Variants in NKAIN3 observed in about 807,000 individuals in gnomAD.
NKAIN3 encodes the protein sodium/potassium-transporting ATPase subunit beta-1-interacting protein 3.
NKAIN3 carries 25 observed loss-of-function variants against 30.2 expected under a neutral mutation model. The observed-to-expected ratio is 0.83, with a 90% CI of 0.60 to 1.16. The LOEUF (loss-of-function observed/expected upper bound fraction) is 1.16, where lower values mean the gene tolerates loss of function less well. NKAIN3 is among the 50% of genes most tolerant of loss of function. The pLI is 0.00. For missense variants in NKAIN3, 225 were observed against 254.1 expected, an observed-to-expected ratio of 0.89 and a Z score of 0.78; for synonymous variants, 91 against 89.6, an observed-to-expected ratio of 1.02 and a Z score of -0.09.
intron 1 of NKAIN3, among the ~76,000 whole-genome samples, chr8:62,532,274 C>A (rs1193767096): frequency 1.3e-5 from 2 of 152,130 alleles, no homozygotes; most frequent in African/African-American, 2.4e-5. Context: ...GGGTAGTGGA[C>A]ATCAAAACCT....
At chr8:62,821,441 C>T (rs1422556995) in intron 4 of NKAIN3, among the ~76,000 whole-genome samples, 1 of 152,066 alleles carries the variant, frequency 6.6e-6, no homozygotes, top group African/African-American at 2.4e-5. Flanking sequence ...TATGATGTTT[C>T]TTTTCAGAAG....
At chr8:62,599,131 A>G (rs1051454006) in intron 3 of NKAIN3, among the ~76,000 whole-genome samples, 1 of 152,088 alleles carries the variant, frequency 6.6e-6, no homozygotes, top group African/African-American at 2.4e-5. Context: ...GGCATAAACA[A>G]TTATGCCTCT....
At chr8:62,856,593 A>G (rs1490343023) in intron 4 of NKAIN3, 1 of 781,316 alleles carries the variant, frequency 1.3e-6, no homozygotes, top group African/African-American at 1.7e-5. Context: ...GGTGAACAGC[A>G]TGATCTTGTT....
chr8:62,384,127 T>A (rs1185202053), intron 1 of NKAIN3, among the ~76,000 whole-genome samples: 1 of 152,182 alleles, frequency 6.6e-6, no homozygotes, highest in Non-Finnish European at 1.5e-5. Context: ...TGCAAAACTA[T>A]GGGACATCAC....
In NKAIN3 at chr8:62,939,510, T is replaced by A. The variant is rs568668636; in HGVS notation, c.533-14392T>A. On this transcript the variant is annotated intron_variant, in intron 5 of 6. Transcript: ENST00000623646. ...TCTTAAGAGCTGTGAGGCAAAAGCATCAGGTAACCTATAAAGGAAAACCTA... is the reference window on the plus strand; with the variant it reads ...TCTTAAGAGCTGTGAGGCAAAAGCAACAGGTAACCTATAAAGGAAAACCTA... Among the ~76,000 whole-genome samples the A allele has an allele frequency of 4.6e-5, 7 of 152,250 alleles. No homozygotes were observed. In the South Asian group the frequency reaches 1.2e-3, roughly 27 times the overall value.
intron 1 of NKAIN3, among the ~76,000 whole-genome samples, chr8:62,553,653 C>T (rs1194963172): frequency 1.3e-5 from 2 of 151,802 alleles, no homozygotes; most frequent in Non-Finnish European, 2.9e-5. Context: ...TCTCTTGCCT[C>T]AGCCTCCCGA....
chr8:62,316,663 T>A (rs1048951520), intron 1 of NKAIN3, among the ~76,000 whole-genome samples: 9 of 152,216 alleles, frequency 5.9e-5, no homozygotes, highest in African/African-American at 1.9e-4. Flanking sequence ...CACATTTTTT[T>A]AATCCAGTCT....
intron 1 of NKAIN3, among the ~76,000 whole-genome samples, chr8:62,404,819 C>CAGA (rs34922576): frequency 0.42 from 64,238 of 151,638 alleles, 15,582 homozygotes; most frequent in Non-Finnish European, 0.54. Flanking sequence ...TTTCCTCAAT[C>CAGA]AGTAGTTTCT....
In NKAIN3 at chr8:62,304,787, G is replaced by T. The variant is rs182655816; in HGVS notation, c.54+55660G>T. Reference sequence around the variant, plus strand: ...AACTCAACCAGAGTGACAGCATCCTGCTGTGGTTGTGTCCTTGGTGTGTGG... The same window carrying T: ...AACTCAACCAGAGTGACAGCATCCTTCTGTGGTTGTGTCCTTGGTGTGTGG... On this transcript the variant is annotated intron_variant, in intron 1 of 6. Coordinates refer to ENST00000623646, the MANE Select transcript of NKAIN3 (RefSeq NM_001304533.3). Among the ~76,000 whole-genome samples, 503 of 150,258 alleles carry T rather than the reference G, an allele frequency of 3.3e-3. 43 individuals carry two copies. The highest frequency in any genetic ancestry group is 0.012 in the African/African-American group (492 of 39,784).
intron 6 of NKAIN3, among the ~76,000 whole-genome samples, chr8:62,963,621 A>G (rs763577957): frequency 8.5e-5 from 13 of 152,222 alleles, no homozygotes; most frequent in Non-Finnish European, 1.6e-4. Flanking sequence ...TAAAGATTGC[A>G]TAAAGCTATA....
At chr8:62,562,830 A>G (rs1330940239) in intron 1 of NKAIN3, among the ~76,000 whole-genome samples, 1 of 152,154 alleles carries the variant, frequency 6.6e-6, no homozygotes, top group Non-Finnish European at 1.5e-5. Context: ...GAAAATGTGT[A>G]CTTTAAAGAG....
At chr8:62,442,699 A>G (rs962434162) in intron 1 of NKAIN3, among the ~76,000 whole-genome samples, 2 of 151,028 alleles carry the variant, frequency 1.3e-5, no homozygotes, top group African/African-American at 4.9e-5. Context: ...TTGTGGTCTG[A>G]TAGATCCATT....
At chr8:62,362,658 A>G (rs1816602746) in intron 1 of NKAIN3, among the ~76,000 whole-genome samples, 2 of 152,188 alleles carry the variant, frequency 1.3e-5, no homozygotes, top group South Asian at 4.1e-4. Context: ...GGAGAGCAAG[A>G]TAGTATTGCT....
intron 1 of NKAIN3, among the ~76,000 whole-genome samples, chr8:62,563,294 T>C (rs1809646512): frequency 6.6e-6 from 1 of 152,128 alleles, no homozygotes; most frequent in Admixed American, 6.6e-5. Context: ...ACTTAGAAGC[T>C]GAATCAAATG....
intron 5 of NKAIN3, among the ~76,000 whole-genome samples, chr8:62,943,657 G>C (rs1380056910): frequency 6.6e-6 from 1 of 151,224 alleles, no homozygotes; most frequent in Non-Finnish European, 1.5e-5. Context: ...CAGTCAACAA[G>C]TGCATAAAGA....
At chr8:62,319,098 T>C (rs1486331172) in intron 1 of NKAIN3, among the ~76,000 whole-genome samples, 2 of 152,362 alleles carry the variant, frequency 1.3e-5, no homozygotes, top group East Asian at 3.8e-4. Flanking sequence ...CCATTTCTTC[T>C]AGATTTTCTA....
At chr8:62,798,780 C>T (rs1817955229) in intron 4 of NKAIN3, among the ~76,000 whole-genome samples, 1 of 151,970 alleles carries the variant, frequency 6.6e-6, no homozygotes, top group Admixed American at 6.6e-5. Context: ...CAACACATAG[C>T]CCTAGCACAC....
chr8:62,419,162 C>T (rs968557533), intron 1 of NKAIN3, among the ~76,000 whole-genome samples: 1 of 152,106 alleles, frequency 6.6e-6, no homozygotes, highest in African/African-American at 2.4e-5. Context: ...GAAGTCAACA[C>T]CTTGACCCCA....
At chr8:62,587,747 G>C (rs1810524102) in intron 2 of NKAIN3, among the ~76,000 whole-genome samples, 1 of 151,962 alleles carries the variant, frequency 6.6e-6, no homozygotes, top group Non-Finnish European at 1.5e-5. Context: ...CAGGAACACA[G>C]AAAGCACCAG....
Sources: allele counts gnomAD v4.1 joint callset (sites outside exome capture counted in the v4.1 genomes callset), GRCh38; gene constraint gnomAD v4.1.1; transcripts MANE v1.5; gene names NCBI Gene and HGNC (gene_info 2026-07-23, HGNC 2026-07-21).